Variants in CHST9 observed in about 807,000 individuals in gnomAD.
CHST9 encodes the protein GalNAc-4-sulfotransferase 2.
In CHST9, 41 loss-of-function variants were observed where a neutral mutation model predicts 44.4. The observed-to-expected ratio is 0.92, with a 90% confidence interval of 0.72 to 1.20. The LOEUF is 1.20. CHST9 is among the 50% of genes most tolerant of loss of function. CHST9 has a pLI of 0.00. For synonymous variants in CHST9, 171 were observed against 178.4 expected (o/e 0.96, Z 0.33); for missense variants, 504 against 516.5 (o/e 0.98, Z 0.23).
At chr18:27,127,995 A>G (rs757382120) in intron 2 of CHST9, among the ~76,000 whole-genome samples, 64 of 152,336 alleles carry the variant, frequency 4.2e-4, no homozygotes, top group Admixed American at 9.8e-4. Flanking sequence ...AGAAAGTAAC[A>G]TAAAAGCTGC....
chr18:27,052,807 C>T (rs577857740), intron 2 of CHST9, among the ~76,000 whole-genome samples: 9 of 152,070 alleles, frequency 5.9e-5, no homozygotes, highest in East Asian at 1.9e-4. Context: ...TCGTCCTCAG[C>T]GAACTAACAC....
At chr18:27,062,139 C>T (rs1465349230) in intron 2 of CHST9, among the ~76,000 whole-genome samples, 3 of 152,136 alleles carry the variant, frequency 2.0e-5, no homozygotes, top group Non-Finnish European at 2.9e-5. Flanking sequence ...CCTCTTCAAA[C>T]TTATACTGTT....
intron 2 of CHST9, among the ~76,000 whole-genome samples, chr18:27,056,485 C>T (rs1290044089): frequency 6.6e-6 from 1 of 152,068 alleles, no homozygotes; most frequent in Non-Finnish European, 1.5e-5. Context: ...CTGTGGGCAC[C>T]TCATTTTAAT....
Position 26,975,668 on chromosome 18 carries a change from T to A in CHST9, c.203-31302A>T, listed in dbSNP as rs189134266. Among the ~76,000 whole-genome samples the A allele has an allele frequency of 9.0e-3, 1,282 of 142,988 alleles. 25 individuals carry two copies. Among genetic ancestry groups the A allele is most frequent in the African/African-American group, 0.031 (1,228 of 39,080 alleles). The allele number at this position is 142,988 out of a possible 152,430, so 93.8% of individuals were successfully genotyped here. ...ATGTGTGTATATATATATATATATA[T>A]AAATATATGTATATATGTGTGTGTA... is the stretch of plus-strand genomic sequence containing the variant. On this transcript the variant is annotated intron_variant, in intron 4 of 5. Transcript: ENST00000618847.
chr18:27,032,197 G>C (rs984557749), intron 3 of CHST9, among the ~76,000 whole-genome samples: 9 of 152,074 alleles, frequency 5.9e-5, no homozygotes, highest in African/African-American at 2.2e-4. Context: ...AAGGCTCTTT[G>C]TCTCTGTGCT....
intron 3 of CHST9, among the ~76,000 whole-genome samples, chr18:27,048,088 T>C (rs1406368125): frequency 6.6e-6 from 1 of 152,096 alleles, no homozygotes. Flanking sequence ...ATCCACTACA[T>C]ATACGGTTTT....
intron 1 of CHST9, among the ~76,000 whole-genome samples, chr18:27,150,764 G>T (rs2058652925): frequency 6.6e-6 from 1 of 152,096 alleles, no homozygotes. Flanking sequence ...GTAAGAACAG[G>T]TCAATAAAAT....
At chr18:27,162,856 G>A (rs977297040) in intron 1 of CHST9, among the ~76,000 whole-genome samples, 7 of 152,200 alleles carry the variant, frequency 4.6e-5, no homozygotes, top group African/African-American at 1.7e-4. Flanking sequence ...TGCTGGTGAG[G>A]AGCTGTGTTC....
At chr18:26,927,406 G>A (rs1225741562) in intron 5 of CHST9, among the ~76,000 whole-genome samples, 8 of 151,970 alleles carry the variant, frequency 5.3e-5, no homozygotes, top group East Asian at 1.9e-4. Context: ...GGGGATCCGC[G>A]CTCAGCATAT....
intron 2 of CHST9, among the ~76,000 whole-genome samples, chr18:27,137,304 ATGTGTG>A (rs60705060): frequency 0.11 from 15,775 of 145,286 alleles, 1,071 homozygotes; most frequent in African/African-American, 0.16. Context: ...TTATTTATAT[ATGTGTG>A]TGTGTGTGTG....
chr18:27,092,176 G>A (rs1379005479), intron 2 of CHST9, among the ~76,000 whole-genome samples: 2 of 152,194 alleles, frequency 1.3e-5, no homozygotes, highest in East Asian at 3.8e-4. Context: ...TCTTGGGAGG[G>A]TGTATGTGTC....
intron 2 of CHST9, among the ~76,000 whole-genome samples, chr18:27,073,382 G>A (rs1240114204): frequency 7.5e-6 from 1 of 132,830 alleles, no homozygotes; most frequent in Non-Finnish European, 1.6e-5. Flanking sequence ...CTGGTGCACT[G>A]GTAGCGCCCA....
rs141677471 is a variant in CHST9, at chr18:27,174,608, C to G, written c.-97+10528G>C. Among the ~76,000 whole-genome samples the G allele has an allele frequency of 4.8e-3, 736 of 152,014 alleles. 5 individuals carry two copies. The highest frequency in any genetic ancestry group is 0.017 in the African/African-American group (714 of 41,512). On this transcript the variant is annotated intron_variant, in intron 1 of 5. Coordinates refer to ENST00000618847, the MANE Select transcript of CHST9 (RefSeq NM_031422.6). ...ATATCCTGTCCCCATCAACCATTCA[C>G]CCAATGGCAGATGACTTTTTTATTA...
intron 4 of CHST9, chr18:26,952,096 C>A: frequency 2.4e-6 from 1 of 414,976 alleles, no homozygotes; most frequent in East Asian, 6.4e-5. Context: ...GAGCAATACT[C>A]GAACAGCAAA....
intron 3 of CHST9, among the ~76,000 whole-genome samples, chr18:27,038,035 C>G (rs1175495457): frequency 6.6e-6 from 1 of 152,012 alleles, no homozygotes; most frequent in Admixed American, 6.6e-5. Context: ...AAACCAGGAC[C>G]TAATACACAT....
intron 4 of CHST9, among the ~76,000 whole-genome samples, chr18:26,978,141 T>C (rs2056646880): frequency 6.6e-6 from 1 of 152,044 alleles, no homozygotes. Flanking sequence ...AAATAGATTT[T>C]TTTTTGCAAT....
At chr18:26,976,705 A>G (rs146914677) in intron 4 of CHST9, among the ~76,000 whole-genome samples, 279 of 152,214 alleles carry the variant, frequency 1.8e-3, no homozygotes, top group African/African-American at 6.3e-3. Context: ...CTCATTTGTA[A>G]AGACTGCATG....
At chr18:26,967,062 A>G (rs2056474864) in intron 4 of CHST9, among the ~76,000 whole-genome samples, 1 of 152,108 alleles carries the variant, frequency 6.6e-6, no homozygotes. Context: ...TGACTGAAAC[A>G]CTGAGGGCTT....
At chr18:27,093,750 C>T (rs903352446) in intron 2 of CHST9, among the ~76,000 whole-genome samples, 1 of 152,186 alleles carries the variant, frequency 6.6e-6, no homozygotes, top group African/African-American at 2.4e-5. Context: ...ATGGGCTGCA[C>T]CCACTGTCAA....
Sources: gnomAD v4.1 joint callset for allele counts (sites outside exome capture counted in the v4.1 genomes callset) on GRCh38, gnomAD v4.1.1 for gene constraint, MANE v1.5 for transcripts, NCBI Gene and HGNC (gene_info 2026-07-23, HGNC 2026-07-21) for gene names.